DPYD: variants seen among roughly 807,000 people sequenced by gnomAD.
DPYD encodes dihydropyrimidine dehydrogenase [NADP(+)].
DPYD carries 109 observed loss-of-function variants against 116.2 expected under a neutral mutation model. The ratio of observed to expected loss-of-function variants is 0.94; its 90% confidence interval spans 0.80 to 1.10. DPYD has a LOEUF of 1.10. Ranked by LOEUF, DPYD falls within the 50% of genes least tolerant of loss-of-function variation. DPYD has a pLI of 0.00. For synonymous variants in DPYD, 440 were observed against 432.0 expected, an observed-to-expected ratio of 1.02 and a Z score of -0.23; for missense variants, 1,302 against 1,254.5, an observed-to-expected ratio of 1.04 and a Z score of -0.57.
At chr1:97,174,885 A>G (rs969136876) in intron 20 of DPYD, among the ~76,000 whole-genome samples, 10 of 152,192 alleles carry the variant, frequency 6.6e-5, no homozygotes. Context: ...TAGGATAAAA[A>G]TATTACTGGA....
chr1:97,703,702 G>A (rs1015534230), intron 5 of DPYD, among the ~76,000 whole-genome samples: 6 of 151,790 alleles, frequency 4.0e-5, no homozygotes, highest in Non-Finnish European at 5.9e-5. Flanking sequence ...ATAATACATC[G>A]AACACATCCA....
chr1:97,612,911 G>GT (rs1256219189), intron 8 of DPYD, among the ~76,000 whole-genome samples: 5 of 151,974 alleles, frequency 3.3e-5, no homozygotes, highest in African/African-American at 1.2e-4. Flanking sequence ...CTACATGGAT[G>GT]TTTTTTCATT....
At chr1:97,513,087 A>G (rs1374593354) in intron 13 of DPYD, among the ~76,000 whole-genome samples, 1 of 151,772 alleles carries the variant, frequency 6.6e-6, no homozygotes. Flanking sequence ...GTTTACTGAG[A>G]TATCAACTGG....
rs373009508 is a variant in DPYD, at chr1:97,207,690, C to T, written c.2443-14442G>A. On this transcript the variant is annotated intron_variant, in intron 19 of 22. Transcript: ENST00000370192. ...TTTCACACATATATATTAAAGCAAT[C>T]TGGATTCTAACTCTAATAAAGGACA... Among the ~76,000 whole-genome samples, 5 of 152,104 alleles carry T rather than the reference C, an allele frequency of 3.3e-5. No homozygotes were observed. The East Asian group carries it at 9.6e-4, about 29-fold the overall frequency.
intron 3 of DPYD, among the ~76,000 whole-genome samples, chr1:97,749,639 T>C (rs577702227): frequency 6.6e-6 from 1 of 152,310 alleles, no homozygotes; most frequent in African/African-American, 2.4e-5. Context: ...TGCATTTAGT[T>C]AACACGTAGC....
At chr1:97,324,690 T>C (rs750194264) in intron 16 of DPYD, among the ~76,000 whole-genome samples, 1 of 152,056 alleles carries the variant, frequency 6.6e-6, no homozygotes, top group Non-Finnish European at 1.5e-5. Flanking sequence ...TTACAATACA[T>C]CTCTATTCCT....
chr1:97,098,997 A>G (rs1650470474), intron 20 of DPYD, among the ~76,000 whole-genome samples: 1 of 152,122 alleles, frequency 6.6e-6, no homozygotes, highest in Non-Finnish European at 1.5e-5. Context: ...AGAAGGTGAA[A>G]CCTATTGATG....
At chr1:97,138,302 C>T (rs1277983448) in intron 20 of DPYD, among the ~76,000 whole-genome samples, 1 of 152,136 alleles carries the variant, frequency 6.6e-6, no homozygotes, top group Admixed American at 6.6e-5. Context: ...GCCAGCATGA[C>T]TCCACAGATT....
intron 19 of DPYD, among the ~76,000 whole-genome samples, chr1:97,224,999 GTC>G (rs1553236797): frequency 1.4e-5 from 2 of 142,248 alleles, no homozygotes; most frequent in African/African-American, 5.2e-5. Flanking sequence ...CTATCTGTCT[GTC>G]TGTCTATCTA....
In DPYD at chr1:97,082,423, C is replaced by G. The variant is rs2101558563; in HGVS notation, c.2814G>C (p.Leu938Phe). 2 of 1,613,660 alleles carry G rather than the reference C, an allele frequency of 1.2e-6. No homozygotes were observed. The highest frequency in any genetic ancestry group is 4.5e-5 in the East Asian group (2 of 44,852). ...ALQYLGTFGELSNVEQVVAMI... is the reference protein window; with the variant it reads ...ALQYLGTFGEFSNVEQVVAMI... ...TAGCCACAACTTGCTCTACGTTGCT[C>G]AATTCACCAAATGTTCCAAGGTACT... The change falls in exon 22 of 23, where the codon TTG (leucine) becomes TTC (phenylalanine). Residue 938 changes from leucine (L) to phenylalanine (F), a missense_variant. Transcript: ENST00000370192.
chr1:97,595,223 A>T (rs1243335697), intron 8 of DPYD, 57 bp from the exon 9 acceptor site: 1 of 1,387,142 alleles, frequency 7.2e-7, no homozygotes, highest in Non-Finnish European at 1.0e-6. Flanking sequence ...TTCCTATTAG[A>T]TATTAAAACA....
intron 8 of DPYD, among the ~76,000 whole-genome samples, chr1:97,656,873 A>G (rs1239725329): frequency 6.7e-6 from 1 of 149,516 alleles, no homozygotes; most frequent in Non-Finnish European, 1.5e-5. Context: ...TCCAGGTGTG[A>G]CTTTGCTTAC....
chr1:97,796,051 T>A (rs767671513), intron 3 of DPYD, among the ~76,000 whole-genome samples: 16 of 152,038 alleles, frequency 1.1e-4, no homozygotes, highest in Non-Finnish European at 2.1e-4. Flanking sequence ...TGTACACATA[T>A]CTCTTTTCAT....
chr1:97,649,359 T>G (rs1033126154), intron 8 of DPYD, among the ~76,000 whole-genome samples: 1 of 152,072 alleles, frequency 6.6e-6, no homozygotes, highest in Non-Finnish European at 1.5e-5. Context: ...TTCCTGACAG[T>G]GAGGGTTAGC....
intron 8 of DPYD, among the ~76,000 whole-genome samples, chr1:97,622,070 T>C (rs1320317112): frequency 6.6e-6 from 1 of 152,048 alleles, no homozygotes; most frequent in Non-Finnish European, 1.5e-5. Context: ...CCAAATGATT[T>C]ATGTAGATAC....
chr1:97,368,668 CAAT>C (rs1473005659), intron 16 of DPYD, among the ~76,000 whole-genome samples: 1 of 152,136 alleles, frequency 6.6e-6, no homozygotes, highest in African/African-American at 2.4e-5. Flanking sequence ...CCAAAGACAA[CAAT>C]GTCAGGAACT....
chr1:97,879,828 C>T (rs1205394127), intron 2 of DPYD, among the ~76,000 whole-genome samples: 1 of 151,780 alleles, frequency 6.6e-6, no homozygotes, highest in Admixed American at 6.6e-5. Flanking sequence ...ATTTTATTCA[C>T]CTCTGAGTAG....
At chr1:97,735,067 C>G (rs1486728767) in intron 4 of DPYD, among the ~76,000 whole-genome samples, 1 of 151,714 alleles carries the variant, frequency 6.6e-6, no homozygotes, top group Non-Finnish European at 1.5e-5. Context: ...CTTGGTGACT[C>G]GAAAAAAAAC....
chr1:97,850,241 T>A (rs1331835002), intron 2 of DPYD, among the ~76,000 whole-genome samples: 3 of 152,150 alleles, frequency 2.0e-5, no homozygotes, highest in Non-Finnish European at 4.4e-5. Flanking sequence ...TTGAAATAGG[T>A]CTCCAAATAT....
Sources: allele counts gnomAD v4.1 joint callset (sites outside exome capture counted in the v4.1 genomes callset), GRCh38; gene constraint gnomAD v4.1.1; transcripts MANE v1.5; gene names NCBI Gene and HGNC (gene_info 2026-07-23, HGNC 2026-07-21).